The following DGKK variants were observed in gnomAD, a reference collection of about 807,000 sequenced individuals.
DGKK encodes the protein 142 kDa diacylglycerol kinase.
In DGKK, 35 loss-of-function variants were observed where a neutral mutation model predicts 92.2. The observed-to-expected ratio is 0.38, with a 90% CI of 0.29 to 0.50. The LOEUF (loss-of-function observed/expected upper bound fraction) is 0.50, where lower values mean the gene tolerates loss of function less well. Among genes scored for constraint, DGKK ranks in the 20% least tolerant of loss-of-function variants. The pLI is 0.92. For missense variants in DGKK, 910 were observed against 992.2 expected (o/e 0.92, Z 1.11); for synonymous variants, 368 against 360.6 (o/e 1.02, Z -0.23).
intron 1 of DGKK, among the ~76,000 whole-genome samples, chrX:50,441,230 G>C (rs1468453675): frequency 9.0e-6 from 1 of 111,562 alleles, no homozygotes; most frequent in Non-Finnish European, 1.9e-5. Context: ...ACCTCAAAAT[G>C]TATAAAGTGC....
At chrX:50,457,118 G>A (rs944726383) in intron 1 of DGKK, among the ~76,000 whole-genome samples, 1 of 111,870 alleles carries the variant, frequency 8.9e-6, no homozygotes, top group Non-Finnish European at 1.9e-5. Flanking sequence ...ACGGAGCAAA[G>A]ATTTTTGTGA....
At chrX:50,466,085 G>A (rs970153061) in intron 1 of DGKK, among the ~76,000 whole-genome samples, 13 of 85,124 alleles carry the variant, frequency 1.5e-4, no homozygotes, top group Non-Finnish European at 2.1e-4. Context: ...CAGATCTGCA[G>A]AAGCCCTAGT....
At chrX:50,370,296 TC>T in intron 27 of DGKK, 129 bp downstream of exon 27, 1 of 845,136 alleles carries the variant, frequency 1.2e-6, no homozygotes. Context: ...TACTGCTGAC[TC>T]CCAGATGGCC....
intron 1 of DGKK, among the ~76,000 whole-genome samples, chrX:50,465,784 A>T (rs185529153): frequency 4.4e-3 from 488 of 111,059 alleles, no homozygotes; most frequent in African/African-American, 0.011. Flanking sequence ...TCAGATTTTT[A>T]AAAAAATCTA....
rs1166228203 is a variant in DGKK, at chrX:50,413,297, G to A, written c.942+7106C>T. ...GGAAAAAGCTCCCCAACATTGGTCT[G>A]GGCAAGGATGTTTTGGCTCTGACCC... On this transcript the variant is annotated intron_variant, in intron 4 of 27. Transcript: ENST00000611977. 2.7e-5 allele frequency among the ~76,000 whole-genome samples: 3 copies of A among 111,980 alleles called. No individual in the cohort carries two copies. In the Admixed American group the frequency reaches 2.8e-4, roughly 11 times the overall value.
chrX:50,384,398 T>C (rs1326998590), intron 16 of DGKK, 134 bp from the exon 17 acceptor site: 4 of 451,216 alleles, frequency 8.9e-6, no homozygotes, highest in Non-Finnish European at 1.5e-5. Flanking sequence ...TATTAAGGGT[T>C]CTAATTCCAA....
At chrX:50,376,590 C>T (rs1351994983) in intron 23 of DGKK, among the ~76,000 whole-genome samples, 168 bp downstream of exon 23, 2 of 112,028 alleles carry the variant, frequency 1.8e-5, no homozygotes, top group Non-Finnish European at 3.8e-5. Context: ...TTGCTGAGCA[C>T]AGAGAATATT....
intron 1 of DGKK, among the ~76,000 whole-genome samples, chrX:50,445,643 T>C (rs1208372861): frequency 5.4e-5 from 6 of 111,481 alleles, no homozygotes; most frequent in Non-Finnish European, 7.5e-5. Context: ...GGTCTATGTG[T>C]CTGTTTTTGT....
intron 17 of DGKK, 72 bp downstream of exon 17, chrX:50,384,096 G>T: frequency 1.5e-6 from 1 of 649,448 alleles, no homozygotes; most frequent in Non-Finnish European, 2.2e-6. Context: ...TTTGACTATG[G>T]ATATCCTAAG....
chrX:50,391,901 G>A (rs1924706583), intron 10 of DGKK, among the ~76,000 whole-genome samples: 1 of 112,237 alleles, frequency 8.9e-6, no homozygotes, highest in African/African-American at 3.2e-5. Flanking sequence ...GGTGAAGTAC[G>A]TCAGGAGACA....
chrX:50,368,838 G>T lies in DGKK; in HGVS notation c.*102C>A. Reference sequence around the variant, plus strand: ...GAATTGGAGGGTCTTTCTTGGTGGTGCTCATGTTTGTTCTGAAATGATTTA... The same window carrying T: ...GAATTGGAGGGTCTTTCTTGGTGGTTCTCATGTTTGTTCTGAAATGATTTA... On this transcript the variant is annotated 3_prime_UTR_variant, in exon 28 of 28. Coordinates refer to ENST00000611977, the MANE Select transcript of DGKK (RefSeq NM_001013742.4). 1.5e-6 allele frequency: 1 copy of T among 653,308 alleles called. No homozygotes were observed. Among genetic ancestry groups the T allele is most frequent in the Non-Finnish European group, 2.3e-6 (1 of 431,654 alleles). 53.8% of individuals were successfully genotyped at this position (653,308 alleles called of 1,213,427 possible). A position where few individuals can be genotyped will look rare whatever the true frequency, so the allele number is the denominator to read the frequency against.
chrX:50,433,205 T>C (rs1034669036), intron 1 of DGKK, among the ~76,000 whole-genome samples: 2 of 112,283 alleles, frequency 1.8e-5, no homozygotes, highest in South Asian at 7.5e-4. Flanking sequence ...AAGTCTGTGT[T>C]CATGCCACAA....
chrX:50,394,083 G>T (rs1269089351), intron 8 of DGKK, among the ~76,000 whole-genome samples: 1 of 112,108 alleles, frequency 8.9e-6, no homozygotes, highest in Non-Finnish European at 1.9e-5. Flanking sequence ...CTGAGTCTCA[G>T]AGCCTGTTGG....
intron 1 of DGKK, among the ~76,000 whole-genome samples, chrX:50,436,493 T>C (rs1926030745): frequency 8.9e-6 from 1 of 112,448 alleles, no homozygotes. Context: ...TTGGAAATTA[T>C]ATCCTATTCT....
intron 4 of DGKK, among the ~76,000 whole-genome samples, chrX:50,408,276 C>T (rs372608592): frequency 8.9e-6 from 1 of 112,535 alleles, no homozygotes. Context: ...GAACACCTAG[C>T]CCCAGAGAAT....
Position 50,447,343 on chromosome X carries a change from TTATATATATATATA to T in DGKK, c.645+22677_645+22690del, listed in dbSNP as rs1238699692. On this transcript the variant is annotated intron_variant, in intron 1 of 27. Transcript: ENST00000611977. ...GTGTGTATGTATATATATATATATA[TTATATATATATATA>T]ATATATATATATTATATATATATAT... Among the ~76,000 whole-genome samples, 58 of 12,280 alleles carry T rather than the reference TTATATATATATATA, an allele frequency of 4.7e-3. 3 individuals carry two copies. The highest frequency in any genetic ancestry group is 8.0e-3 in the Admixed American group (4 of 500). The allele number at this position is 12,280 out of a possible 115,157, so 10.7% of individuals were successfully genotyped here.
chrX:50,453,776 T>C (rs782807096), intron 1 of DGKK, among the ~76,000 whole-genome samples: 2 of 111,097 alleles, frequency 1.8e-5, no homozygotes, highest in East Asian at 5.8e-4. Flanking sequence ...CAGAGAAAGA[T>C]GGTGCATAGA....
intron 4 of DGKK, among the ~76,000 whole-genome samples, chrX:50,406,644 A>G (rs1249643878): frequency 9.0e-6 from 1 of 111,725 alleles, no homozygotes; most frequent in Non-Finnish European, 1.9e-5. Context: ...TGCATCTGCA[A>G]GCCAAAAAAT....
intron 1 of DGKK, among the ~76,000 whole-genome samples, chrX:50,460,843 C>T (rs1926724001): frequency 9.0e-6 from 1 of 110,726 alleles, no homozygotes; most frequent in Non-Finnish European, 1.9e-5. Flanking sequence ...GTATGGCATA[C>T]CCAGTTTAGC....
Sources: allele counts gnomAD v4.1 joint callset (sites outside exome capture counted in the v4.1 genomes callset), GRCh38; gene constraint gnomAD v4.1.1; transcripts MANE v1.5; gene names NCBI Gene and HGNC (gene_info 2026-07-23, HGNC 2026-07-21).